Variants in PTPN11 observed in about 807,000 individuals in gnomAD.
PTPN11 encodes the protein tyrosine-protein phosphatase non-receptor type 11.
Under a neutral mutation model 78.8 loss-of-function variants are expected in PTPN11, and 6 were observed. The ratio of observed to expected loss-of-function variants is 0.08; its 90% CI spans 0.04 to 0.15. The LOEUF (loss-of-function observed/expected upper bound fraction) is 0.15. PTPN11 is among the 10% of genes least tolerant of loss of function. PTPN11 has a pLI of 1.00. For missense variants in PTPN11, 386 were observed against 744.8 expected (o/e 0.52, Z 5.61); for synonymous variants, 221 against 263.5 (o/e 0.84, Z 1.56).
chr12:112,458,215 G>GT (rs200997966), intron 6 of PTPN11, among the ~76,000 whole-genome samples: 112 of 151,954 alleles, frequency 7.4e-4, no homozygotes, highest in African/African-American at 1.9e-3. Flanking sequence ...GTTTTGTTTT[G>GT]TTTTTTTTCC....
chr12:112,422,901 T>C (rs2037547250), intron 1 of PTPN11, among the ~76,000 whole-genome samples: 1 of 152,204 alleles, frequency 6.6e-6, no homozygotes, highest in African/African-American at 2.4e-5. Context: ...GTGTACTTTG[T>C]TAGGCAGCCA....
intron 7 of PTPN11, among the ~76,000 whole-genome samples, chr12:112,473,294 A>G (rs1431408337): frequency 1.3e-5 from 2 of 152,120 alleles, no homozygotes; most frequent in Non-Finnish European, 2.9e-5. Flanking sequence ...TCTGTTAATT[A>G]ATTTTCTGTC....
intron 13 of PTPN11, among the ~76,000 whole-genome samples, chr12:112,501,430 T>C (rs1277657472): frequency 6.6e-6 from 1 of 152,186 alleles, no homozygotes; most frequent in African/African-American, 2.4e-5. Context: ...AAGACCAGCC[T>C]GGCTAATAAC....
intron 14 of PTPN11, among the ~76,000 whole-genome samples, chr12:112,503,012 C>T (rs759755477): frequency 4.6e-5 from 7 of 152,212 alleles, no homozygotes; most frequent in Non-Finnish European, 8.8e-5. Context: ...CAGAAATCTA[C>T]TTTGGGTGTT....
At chr12:112,445,239 C>T (rs2037974541) in intron 1 of PTPN11, among the ~76,000 whole-genome samples, 1 of 152,124 alleles carries the variant, frequency 6.6e-6, no homozygotes, top group South Asian at 2.1e-4. Flanking sequence ...TCAAGCAATT[C>T]TCCTGTCTCA....
intron 2 of PTPN11, among the ~76,000 whole-genome samples, chr12:112,449,359 T>G (rs1038064599): frequency 6.6e-6 from 1 of 151,814 alleles, no homozygotes; most frequent in Admixed American, 6.6e-5. Context: ...CAAAAAAATT[T>G]AGCTGGGCGT....
chr12:112,462,902 C>G (rs944266232), intron 6 of PTPN11, among the ~76,000 whole-genome samples: 1 of 152,112 alleles, frequency 6.6e-6, no homozygotes, highest in African/African-American at 2.4e-5. Flanking sequence ...TCCTGCTTTA[C>G]TTTTGCTGAC....
At chr12:112,438,395 C>T (rs184693946) in intron 1 of PTPN11, among the ~76,000 whole-genome samples, 3 of 152,072 alleles carry the variant, frequency 2.0e-5, no homozygotes, top group Admixed American at 1.3e-4. Context: ...TTGATCATAG[C>T]TTACTGCATC....
At chr12:112,500,087 T>C (rs1259115399) in intron 13 of PTPN11, among the ~76,000 whole-genome samples, 1 of 151,526 alleles carries the variant, frequency 6.6e-6, no homozygotes, top group East Asian at 1.9e-4. Flanking sequence ...CTACTAAAAA[T>C]ACAAAAATAA....
intron 6 of PTPN11, among the ~76,000 whole-genome samples, chr12:112,456,387 G>A (rs1460628067): frequency 6.6e-6 from 1 of 151,794 alleles, no homozygotes; most frequent in Non-Finnish European, 1.5e-5. Context: ...CATGCACTGG[G>A]GTCTTTAGAA....
intron 1 of PTPN11, among the ~76,000 whole-genome samples, chr12:112,441,858 G>A (rs2037895836): frequency 6.6e-6 from 1 of 151,224 alleles, no homozygotes; most frequent in Non-Finnish European, 1.5e-5. Context: ...CTCACTGCAA[G>A]CTCCGCCTAC....
At chr12:112,443,924 G>A (rs965145568) in intron 1 of PTPN11, among the ~76,000 whole-genome samples, 10 of 152,176 alleles carry the variant, frequency 6.6e-5, no homozygotes, top group African/African-American at 2.4e-4. Flanking sequence ...AAAATGCTAG[G>A]ATTACAGGTG....
At chr12:112,486,682 C>T in intron 11 of PTPN11, 53 bp downstream of exon 11, 1 of 1,602,810 alleles carries the variant, frequency 6.2e-7, no homozygotes, top group Non-Finnish European at 8.5e-7. Context: ...TCTCCTAGCG[C>T]CCAGGGCTTG....
chr12:112,427,556 A>AATCTATAT (rs1178129885), intron 1 of PTPN11, among the ~76,000 whole-genome samples: 3 of 151,638 alleles, frequency 2.0e-5, no homozygotes, highest in Non-Finnish European at 4.4e-5. Flanking sequence ...AAAAAAAAAA[A>AATCTATAT]ATCTATATAT....
intron 1 of PTPN11, among the ~76,000 whole-genome samples, chr12:112,433,955 C>G (rs1486169172): frequency 6.6e-6 from 1 of 151,800 alleles, no homozygotes; most frequent in Non-Finnish European, 1.5e-5. Context: ...GGGACCCTAT[C>G]TCAAAAAAAC....
At chr12:112,446,538 G>A in intron 2 of PTPN11, 140 bp downstream of exon 2, 1 of 1,201,360 alleles carries the variant, frequency 8.3e-7, no homozygotes, top group Non-Finnish European at 1.2e-6. Context: ...GGTTTGGGGA[G>A]TGGCCTCCTG....
chr12:112,485,714 C>A (rs536139779), intron 10 of PTPN11, among the ~76,000 whole-genome samples: 1 of 151,914 alleles, frequency 6.6e-6, no homozygotes, highest in Admixed American at 6.6e-5. Context: ...GGGTGGCTCA[C>A]GCCTGTAATC....
chr12:112,448,646 A>AT (rs1270211098), intron 2 of PTPN11, among the ~76,000 whole-genome samples: 1 of 151,990 alleles, frequency 6.6e-6, no homozygotes, highest in Non-Finnish European at 1.5e-5. Context: ...TCTTTTAGTG[A>AT]TCTCTCTCAT....
At chr12:112,479,519 C>T (rs2038561303) in intron 9 of PTPN11, among the ~76,000 whole-genome samples, 1 of 152,136 alleles carries the variant, frequency 6.6e-6, no homozygotes, top group Non-Finnish European at 1.5e-5. Flanking sequence ...CCTTTGAGGC[C>T]AGTTCTGGTC....
Sources: gnomAD v4.1 joint callset for allele counts (sites outside exome capture counted in the v4.1 genomes callset) on GRCh38, gnomAD v4.1.1 for gene constraint, MANE v1.5 for transcripts, NCBI Gene and HGNC (gene_info 2026-07-23, HGNC 2026-07-21) for gene names.